The following ZFAT variants were observed in gnomAD, a reference collection of about 807,000 sequenced individuals.
The protein encoded by ZFAT is zinc finger protein ZFAT.
ZFAT carries 64 observed loss-of-function variants against 117.7 expected under a neutral mutation model. The observed-to-expected ratio is 0.54, with a 90% confidence interval of 0.44 to 0.67. The LOEUF (loss-of-function observed/expected upper bound fraction) is 0.67. Ranked by LOEUF, ZFAT falls within the 30% of genes least tolerant of loss-of-function variation. The pLI, the probability that ZFAT is intolerant of heterozygous loss-of-function variation, is 0.00. For missense variants in ZFAT, 1,433 were observed against 1,584.5 expected, an observed-to-expected ratio of 0.90 and a Z score of 1.62; for synonymous variants, 679 against 615.0, an observed-to-expected ratio of 1.10 and a Z score of -1.54.
chr8:134,563,494 C>T (rs1443587894), intron 11 of ZFAT, among the ~76,000 whole-genome samples: 2 of 152,198 alleles, frequency 1.3e-5, no homozygotes, highest in African/African-American at 2.4e-5. Flanking sequence ...GAAAATTCAC[C>T]TCCCACAAGG....
At chr8:134,769,432 T>C in the ZFAT span, among the ~76,000 whole-genome samples, 1 of 152,240 alleles carries the variant, frequency 6.6e-6, no homozygotes, top group Non-Finnish European at 1.5e-5. Context: ...TTTGACTCTA[T>C]GTTTCACATG....
At chr8:134,691,090 GT>G (rs1216030678) in intron 1 of ZFAT, among the ~76,000 whole-genome samples, 4 of 152,190 alleles carry the variant, frequency 2.6e-5, no homozygotes, top group Non-Finnish European at 4.4e-5. Context: ...AGGTCAGAAA[GT>G]CCTACCTGGC....
chr8:134,601,573 T>G lies in ZFAT; in HGVS notation c.2146A>C (p.Met716Leu). ...PEHRSGITAFMKVLNSLQKKQ... is the reference protein window; with the variant it reads ...PEHRSGITAFLKVLNSLQKKQ... ...TTCTGTAAACTGTTCAGGACCTTCA[T>G]GAAAGCGGTGATGCCTGACCGGTGC... The change falls in exon 6 of 16, where the codon ATG becomes CTG. Residue 716 changes from methionine (M) to leucine (L), a missense_variant. Physicochemically the swap from Met to Leu is conservative, Grantham distance 15. Around this residue, in one of 5 missense-constraint regions of ZFAT, gnomAD observed 372 missense variants for 355.6 expected, o/e 1.05. Coordinates refer to ENST00000377838, the MANE Select transcript of ZFAT (RefSeq NM_020863.4). 6.2e-7 allele frequency: 1 copy of G among 1,614,188 alleles called. No individual in the cohort carries two copies. Among genetic ancestry groups the G allele is most frequent in the Non-Finnish European group, 8.5e-7 (1 of 1,180,036 alleles).
intron 3 of ZFAT, among the ~76,000 whole-genome samples, chr8:134,636,214 A>G (rs1830202777): frequency 6.6e-6 from 1 of 152,204 alleles, no homozygotes; most frequent in African/African-American, 2.4e-5. Context: ...GGAATTTAAG[A>G]ACAGGGGTCA....
the ZFAT span, among the ~76,000 whole-genome samples, chr8:134,821,561 AAAG>A: frequency 3.3e-5 from 5 of 152,162 alleles, no homozygotes; most frequent in African/African-American, 1.2e-4. Context: ...AAAAAAAAAA[AAAG>A]AATTTTTTCC....
the ZFAT span, among the ~76,000 whole-genome samples, chr8:134,772,993 G>A: frequency 1.3e-5 from 2 of 151,668 alleles, no homozygotes; most frequent in African/African-American, 2.4e-5. Flanking sequence ...TGGGAGGGCC[G>A]AGGTGTGGGA....
the ZFAT span, among the ~76,000 whole-genome samples, chr8:134,819,350 G>A: frequency 6.6e-6 from 1 of 152,008 alleles, no homozygotes; most frequent in Non-Finnish European, 1.5e-5. Flanking sequence ...TCCAAGATAG[G>A]AAGGAGACAG....
At chr8:134,484,258 G>A (rs756618309) in intron 15 of ZFAT, among the ~76,000 whole-genome samples, 15 of 152,214 alleles carry the variant, frequency 9.9e-5, no homozygotes, top group Admixed American at 2.6e-4. Context: ...CCAGTGCCAC[G>A]CTCTTGGTAG....
chr8:134,750,599 T>C, the ZFAT span, among the ~76,000 whole-genome samples: 1 of 152,190 alleles, frequency 6.6e-6, no homozygotes, highest in East Asian at 1.9e-4. Flanking sequence ...ATCTAAAATA[T>C]GTTGTTTTGA....
the ZFAT span, among the ~76,000 whole-genome samples, chr8:134,755,817 CAAAAAA>C: frequency 1.1e-5 from 1 of 90,020 alleles, no homozygotes; most frequent in Non-Finnish European, 2.1e-5. Flanking sequence ...GACTCCATCT[CAAAAAA>C]AAAAAAAAAA....
Position 134,685,051 on chromosome 8 carries a change from G to T in ZFAT, c.20-27314C>A, listed in dbSNP as rs571423421. Among the ~76,000 whole-genome samples, 106 of 152,296 alleles carry T rather than the reference G, an allele frequency of 7.0e-4. 2 individuals carry two copies. In the South Asian group the frequency reaches 0.021, roughly 31 times the overall value. ...CCCTGCCCCAGCCACTAGCTGCAAG[G>T]AGGTGTTTACGCTGCCTCCTGTTGG... On this transcript the variant is annotated intron_variant, in intron 1 of 15. Coordinates refer to ENST00000377838, the MANE Select transcript of ZFAT (RefSeq NM_020863.4).
chr8:134,715,693 G>A (rs1384499964), upstream of ZFAT, among the ~76,000 whole-genome samples: 1 of 152,190 alleles, frequency 6.6e-6, no homozygotes, highest in Non-Finnish European at 1.5e-5. Flanking sequence ...AGAAGAGAGC[G>A]GCTTCCCAGC....
At chr8:134,506,184 A>T (rs1212219755) in intron 15 of ZFAT, among the ~76,000 whole-genome samples, 1 of 152,222 alleles carries the variant, frequency 6.6e-6, no homozygotes, top group Non-Finnish European at 1.5e-5. Flanking sequence ...TATCAAATAC[A>T]AATTTCCTCC....
chr8:134,495,706 G>A (rs1403740739), intron 15 of ZFAT, among the ~76,000 whole-genome samples: 1 of 152,230 alleles, frequency 6.6e-6, no homozygotes, highest in Non-Finnish European at 1.5e-5. Flanking sequence ...AAGGTGGGCA[G>A]ATCACTTGAG....
intron 11 of ZFAT, among the ~76,000 whole-genome samples, chr8:134,540,512 C>T (rs891759423): frequency 2.6e-5 from 4 of 152,176 alleles, no homozygotes; most frequent in Admixed American, 6.5e-5. Context: ...TCATGTAGCC[C>T]GGGACCTTGT....
chr8:134,657,434 A>T, intron 2 of ZFAT, 127 bp downstream of exon 2: 6 of 991,808 alleles, frequency 6.0e-6, no homozygotes, highest in Non-Finnish European at 8.8e-6. Context: ...CATATCTACA[A>T]TTGGAGACTT....
intron 11 of ZFAT, among the ~76,000 whole-genome samples, chr8:134,541,845 G>C (rs773862609): frequency 2.0e-5 from 3 of 152,230 alleles, no homozygotes; most frequent in Non-Finnish European, 4.4e-5. Context: ...CATAAATAAA[G>C]TATCGGCTGA....
the ZFAT span, among the ~76,000 whole-genome samples, chr8:134,779,450 T>G: frequency 5.9e-5 from 9 of 152,174 alleles, no homozygotes; most frequent in African/African-American, 2.2e-4. Flanking sequence ...CTCCTGACCC[T>G]GGTAAACAGC....
chr8:134,798,803 T>C, the ZFAT span, among the ~76,000 whole-genome samples: 4 of 152,134 alleles, frequency 2.6e-5, no homozygotes, highest in African/African-American at 9.7e-5. Context: ...CTAAACCACA[T>C]GCATATGCTG....
Sources: gnomAD v4.1 joint callset for allele counts (sites outside exome capture counted in the v4.1 genomes callset) on GRCh38, gnomAD v4.1.1 for gene constraint, gnomAD v4.1.1 regional missense constraint, MANE v1.5 for transcripts, NCBI Gene and HGNC (gene_info 2026-07-23, HGNC 2026-07-21) for gene names.